CCNH: variants seen among roughly 807,000 people sequenced by gnomAD.
CCNH encodes cyclin H, also known as cyclin-H.
A neutral mutation model predicts 41.9 loss-of-function variants in CCNH; 31 were observed. The observed-to-expected ratio is 0.74, with a 90% CI of 0.56 to 1.00. The LOEUF (loss-of-function observed/expected upper bound fraction) is 1.00, where lower values mean the gene tolerates loss of function less well. Among genes scored for constraint, CCNH ranks in the 50% least tolerant of loss-of-function variants. CCNH has a pLI of 0.00. For missense variants in CCNH, 362 were observed against 388.4 expected, an observed-to-expected ratio of 0.93 and a Z score of 0.57; for synonymous variants, 138 against 136.1, an observed-to-expected ratio of 1.01 and a Z score of -0.10.
intron 9 of CCNH, among the ~76,000 whole-genome samples, chr5:87,351,484 T>G (rs865928718): frequency 6.6e-6 from 1 of 151,594 alleles, no homozygotes; most frequent in African/African-American, 2.4e-5. Context: ...TATCTAGACT[T>G]GAAGAAGAAG....
the CCNH span, among the ~76,000 whole-genome samples, chr5:87,311,815 C>T: frequency 6.6e-6 from 1 of 152,156 alleles, no homozygotes; most frequent in Non-Finnish European, 1.5e-5. Flanking sequence ...AGGCCCCTCC[C>T]GTAAATTACA....
At chr5:87,362,414 A>G (rs1192557224) in intron 9 of CCNH, 17 of 811,672 alleles carry the variant, frequency 2.1e-5, no homozygotes, top group Middle Eastern at 3.8e-4. Flanking sequence ...TTTGGAAAGC[A>G]AAAGATCATT....
intron 9 of CCNH, chr5:87,331,019 A>AT: frequency 7.4e-7 from 1 of 1,352,772 alleles, no homozygotes; most frequent in Non-Finnish European, 9.7e-7. Context: ...TCTATCTTTT[A>AT]TTTTTCTAAG....
At position 87,369,597 on chromosome 5, in the gene CCNH, T is replaced by C. The variant is rs765590149; in HGVS notation, c.*90+23173A>G. ...AATTGAAATTTCTTTAGTTTACACTTTGAAATACTGATAACATTTTAATAG... is the reference window on the plus strand; with the variant it reads ...AATTGAAATTTCTTTAGTTTACACTCTGAAATACTGATAACATTTTAATAG... On this transcript the variant is annotated intron_variant and NMD_transcript_variant, in intron 9 of 9. Coordinates refer to the CCNH transcript ENST00000645953. Among the ~76,000 whole-genome samples the C allele has an allele frequency of 3.3e-5, 5 of 152,272 alleles. No individual in the cohort carries two copies. The Middle Eastern group carries it at 0.01, about 311-fold the overall frequency.
chr5:87,353,540 C>A (rs1284496252), intron 9 of CCNH, among the ~76,000 whole-genome samples: 2 of 151,740 alleles, frequency 1.3e-5, no homozygotes, highest in Non-Finnish European at 2.9e-5. Flanking sequence ...AAACCACAGC[C>A]AGGATTATTA....
In CCNH at chr5:87,394,457, C is replaced by G. The variant is rs1762759078; in HGVS notation, c.961G>C (p.Glu321Gln). The G allele has an allele frequency of 6.2e-7, 1 of 1,613,224 alleles. No individual in the cohort carries two copies. Among genetic ancestry groups the G allele is most frequent in the East Asian group, 2.2e-5 (1 of 44,798 alleles). ...TCAACTTCAAATGGTTAGAGAGATT[C>G]TACCAGGTCGTCATCAGTCCATTCT... ...EEEWTDDDLVESL is the reference protein window; with the variant it reads ...EEEWTDDDLVQSL Residue 321 changes from glutamate to glutamine, a missense_variant, in exon 9 of 9, where the codon GAA (glutamate) becomes CAA (glutamine). Physicochemically the swap from Glu to Gln is conservative, Grantham distance 29. Coordinates refer to ENST00000256897, the MANE Select transcript of CCNH (RefSeq NM_001239.4).
At chr5:87,378,563 T>C (rs775085441), upstream of CCNH, 5 of 1,578,742 alleles carry the variant, frequency 3.2e-6, no homozygotes, top group Non-Finnish European at 4.4e-6. Context: ...TTTTAATAAG[T>C]ATTTTTGCAA....
downstream of CCNH, among the ~76,000 whole-genome samples, chr5:87,390,281 T>C (rs977907355): frequency 1.3e-5 from 2 of 152,174 alleles, no homozygotes; most frequent in African/African-American, 4.8e-5. Context: ...TAGTTTCTAA[T>C]GTAGTTTCAG....
chr5:87,400,482 A>T (rs1439759496), intron 6 of CCNH, among the ~76,000 whole-genome samples: 1 of 152,222 alleles, frequency 6.6e-6, no homozygotes, highest in Admixed American at 6.5e-5. Context: ...TGATCCTAAC[A>T]GCTACAGTCA....
downstream of CCNH, among the ~76,000 whole-genome samples, chr5:87,373,577 A>C (rs1037067254): frequency 5.9e-5 from 9 of 152,174 alleles, no homozygotes; most frequent in Non-Finnish European, 1.2e-4. Context: ...GCAAGGCCAC[A>C]CAAGTAGTAT....
chr5:87,330,938 G>T, intron 9 of CCNH: 1 of 1,419,974 alleles, frequency 7.0e-7, no homozygotes, highest in Admixed American at 3.0e-5. Context: ...ATTCTCATAG[G>T]TTCCATGTGC....
Position 87,394,278 on chromosome 5 carries a change from T to A in CCNH, c.*168A>T, listed in dbSNP as rs780452690. The A allele has an allele frequency of 1.5e-6, 2 of 1,327,356 alleles. No individual in the cohort carries two copies. The highest frequency in any genetic ancestry group is 1.9e-6 in the Non-Finnish European group (2 of 1,035,266). The allele number at this position is 1,327,356 out of a possible 1,614,324, so 82.2% of individuals were successfully genotyped here. On this transcript the variant is annotated 3_prime_UTR_variant, in exon 9 of 9. Coordinates refer to ENST00000256897, the MANE Select transcript of CCNH (RefSeq NM_001239.4). ...CAAAACAGGTGCTATTCTAGCTCTTTTGAAGATGGTTTATTTTACATAAAG... is the reference window on the plus strand; with the variant it reads ...CAAAACAGGTGCTATTCTAGCTCTTATGAAGATGGTTTATTTTACATAAAG...
intron 3 of CCNH, 73 bp from the exon 4 acceptor site, chr5:87,408,259 T>C (rs1763952427): frequency 4.5e-6 from 3 of 669,400 alleles, no homozygotes; most frequent in South Asian, 5.0e-5. Context: ...CTTTGAGAAG[T>C]ATCTAAATAA....
chr5:87,360,570 T>C (rs1160727834), intron 9 of CCNH, among the ~76,000 whole-genome samples: 1 of 152,186 alleles, frequency 6.6e-6, no homozygotes, highest in South Asian at 2.1e-4. Context: ...ACAATTTCTA[T>C]ATGTTTACTT....
chr5:87,374,818 C>G (rs769684434), downstream of CCNH: 2 of 1,604,640 alleles, frequency 1.2e-6, no homozygotes, highest in Non-Finnish European at 1.7e-6. Context: ...TTTGTTAATT[C>G]TTTTTCTCCT....
At chr5:87,344,153 T>C (rs1427277003) in intron 9 of CCNH, among the ~76,000 whole-genome samples, 1 of 152,156 alleles carries the variant, frequency 6.6e-6, no homozygotes, top group Non-Finnish European at 1.5e-5. Flanking sequence ...TCTAATTTAC[T>C]GGATATTTAA....
intron 9 of CCNH, chr5:87,337,846 G>A (rs768148949): frequency 2.1e-6 from 2 of 948,626 alleles, no homozygotes; most frequent in Non-Finnish European, 3.0e-6. Context: ...CAAATTTAGG[G>A]TGTTTGACTC....
At chr5:87,364,998 C>G (rs911678283) in intron 9 of CCNH, among the ~76,000 whole-genome samples, 5 of 152,152 alleles carry the variant, frequency 3.3e-5, no homozygotes, top group African/African-American at 1.2e-4. Flanking sequence ...AGAGGCAACA[C>G]TATTCACTAC....
chr5:87,392,434 A>G (rs545445420), downstream of CCNH: 67 of 439,622 alleles, frequency 1.5e-4, no homozygotes, highest in African/African-American at 9.8e-4. Context: ...AATCAGCTCA[A>G]TTCATTCCAT....
Sources: gnomAD v4.1 joint callset for allele counts (sites outside exome capture counted in the v4.1 genomes callset) on GRCh38, gnomAD v4.1.1 for gene constraint, MANE v1.5 for transcripts, NCBI Gene and HGNC (gene_info 2026-07-23, HGNC 2026-07-21) for gene names.